Variants in IRF2BP2 observed in about 807,000 individuals in gnomAD.
The protein encoded by IRF2BP2 is interferon regulatory factor 2 binding protein 2, also known as interferon regulatory factor 2-binding protein 2.
In IRF2BP2, 13 loss-of-function variants were observed where a neutral mutation model predicts 32.7. The observed-to-expected ratio is 0.40, with a 90% CI of 0.26 to 0.63. The LOEUF is 0.63. Among genes scored for constraint, IRF2BP2 ranks in the 30% least tolerant of loss-of-function variants. The pLI is 0.42. For synonymous variants in IRF2BP2, 555 were observed against 384.6 expected, an observed-to-expected ratio of 1.44 and a Z score of -5.18; for missense variants, 980 against 830.6, an observed-to-expected ratio of 1.18 and a Z score of -2.21.
At position 234,605,748 on chromosome 1, in the gene IRF2BP2, CTG is replaced by C. The variant is rs2102766963; in HGVS notation, c.*1387_*1388del. 1 of 152,260 alleles carries C rather than the reference CTG, an allele frequency of 6.6e-6. No homozygotes were observed. The highest frequency in any genetic ancestry group is 1.9e-4 in the East Asian group (1 of 5,192). The allele number at this position is 152,260 out of a possible 1,614,324, so 9.4% of individuals were successfully genotyped here. A position where few individuals can be genotyped will look rare whatever the true frequency, so the allele number is the denominator to read the frequency against. On this transcript the variant is annotated 3_prime_UTR_variant, in exon 2 of 2. Coordinates refer to ENST00000366609, the MANE Select transcript of IRF2BP2 (RefSeq NM_182972.3). ...CAGCACAAAAGAAAAACCAGTATCACTGTGAGACAACTATTTCTAATAATTGA... is the reference window on the plus strand; with the variant it reads ...CAGCACAAAAGAAAAACCAGTATCACTGAGACAACTATTTCTAATAATTGA...
rs1672265600 is a variant in IRF2BP2, at chr1:234,609,090, G to A, written c.405C>T (p.Ser135=). 3 of 1,241,504 alleles carry A rather than the reference G, an allele frequency of 2.4e-6. No homozygotes were observed. The highest frequency in any genetic ancestry group is 3.0e-6 in the Non-Finnish European group (3 of 995,050). The allele number at this position is 1,241,504 out of a possible 1,614,324, so 76.9% of individuals were successfully genotyped here. ...GGGCCAGGCTCGCTGCCGGGCGGCT[G>A]CTGCCGAAGTCAGAGCCGAGGCGCG... is the stretch of plus-strand genomic sequence containing the variant. The part of the protein sequence containing the change: ...RPPRLGSDFG[S]SRPAASLAQP... Residue 135 remains serine (S), a synonymous_variant, in exon 1 of 2, where the codon AGC becomes AGT. Coordinates refer to ENST00000366609, the MANE Select transcript of IRF2BP2 (RefSeq NM_182972.3).
rs977367479 is a variant in IRF2BP2, at chr1:234,609,268, G to C, written c.227C>G (p.Ala76Gly). Residue 76 changes from alanine (A) to glycine (G), a missense_variant, in exon 1 of 2, where the codon GCG becomes GGG. Transcript: ENST00000366609. Reference protein sequence around the residue: ...FPEGRSPPGAAASAAAKPPPL... With the variant: ...FPEGRSPPGAGASAAAKPPPL... ...CGGCGGCTTGGCGGCGGCCGAGGCC[G>C]CGGCGCCGGGTGGGGAGCGACCCTC... The C allele has an allele frequency of 1.9e-5, 26 of 1,387,926 alleles. No homozygotes were observed. The highest frequency in any genetic ancestry group is 3.1e-5 in the African/African-American group (2 of 65,568). 86.0% of individuals were successfully genotyped at this position (1,387,926 alleles called of 1,614,324 possible).
rs1189750265 is a variant in IRF2BP2 at position 234,605,041 on chromosome 1, A to C, written c.*2096T>G. Reference sequence around the variant, plus strand: ...TTCCACAGCTGGATAGACTTATCCAAAACGGCAGGATGGTTCTGTATTAAT... The same window carrying C: ...TTCCACAGCTGGATAGACTTATCCACAACGGCAGGATGGTTCTGTATTAAT... On this transcript the variant is annotated 3_prime_UTR_variant, in exon 2 of 2. Coordinates refer to ENST00000366609, the MANE Select transcript of IRF2BP2 (RefSeq NM_182972.3). 2.6e-5 allele frequency: 4 copies of C among 152,260 alleles called. No homozygotes were observed. The highest frequency in any genetic ancestry group is 9.6e-5 in the African/African-American group (4 of 41,470). 9.4% of individuals were successfully genotyped at this position (152,260 alleles called of 1,614,324 possible). A position where few individuals can be genotyped will look rare whatever the true frequency, so the allele number is the denominator to read the frequency against.
Position 234,607,634 on chromosome 1 carries a change from A to T in IRF2BP2, c.1267T>A (p.Ser423Thr). The change falls in exon 2 of 2, where the codon TCC (serine) becomes ACC (threonine). Residue 423 changes from serine (S) to threonine (T), a missense_variant. Ser to Thr is a moderately conservative substitution (Grantham distance 58, BLOSUM62 1). Transcript: ENST00000366609. Reference sequence around the variant, plus strand: ...ACTAAGATCAGGGCTGCCATGGGGGACTGGCCATTCTGGGCCGCTTCAGGC... The same window carrying T: ...ACTAAGATCAGGGCTGCCATGGGGGTCTGGCCATTCTGGGCCGCTTCAGGC... The part of the protein sequence containing the change: ...TPPEAAQNGQ[S>T]PMAALILVAD... 6.2e-7 allele frequency: 1 copy of T among 1,614,156 alleles called. No homozygotes were observed. Among genetic ancestry groups the T allele is most frequent in the Non-Finnish European group, 8.5e-7 (1 of 1,180,016 alleles).
intron 1 of IRF2BP2, chr1:234,608,120 T>C: frequency 1.9e-6 from 1 of 539,190 alleles, no homozygotes; most frequent in South Asian, 2.7e-5. Context: ...TGCACAAAAG[T>C]ACCCTCGTTT....
In IRF2BP2 at chr1:234,605,448, CTGTATT is replaced by C. The variant is rs778482414; in HGVS notation, c.*1683_*1688del. 2.6e-5 allele frequency: 4 copies of C among 152,214 alleles called. No individual in the cohort carries two copies. Among genetic ancestry groups the C allele is most frequent in the East Asian group, 1.9e-4 (1 of 5,204 alleles). 9.4% of individuals were successfully genotyped at this position (152,214 alleles called of 1,614,324 possible). A position where few individuals can be genotyped will look rare whatever the true frequency, so the allele number is the denominator to read the frequency against. On this transcript the variant is annotated 3_prime_UTR_variant, in exon 2 of 2. Transcript: ENST00000366609. Reference sequence around the variant, plus strand: ...TCATTAAAAACACTACGGAAAAACACTGTATTTGGTGCAGTATCTGATTTTCAAGTG... The same window carrying C: ...TCATTAAAAACACTACGGAAAAACACTGGTGCAGTATCTGATTTTCAAGTG...
Position 234,604,554 on chromosome 1 carries a change from T to C in IRF2BP2, c.*2583A>G, listed in dbSNP as rs1173654689. 1.3e-5 allele frequency: 2 copies of C among 152,232 alleles called. No homozygotes were observed. The highest frequency in any genetic ancestry group is 3.8e-4 in the East Asian group (2 of 5,206). 9.4% of individuals were successfully genotyped at this position (152,232 alleles called of 1,614,324 possible). On this transcript the variant is annotated 3_prime_UTR_variant, in exon 2 of 2. Transcript: ENST00000366609. ...TAGTAAAAGTTGTAAACCATGTGTA[T>C]GTTCTCATAACTTTAAATGTGAGGC...
In IRF2BP2 at chr1:234,609,363, C is replaced by A; in HGVS notation, c.132G>T (p.Glu44Asp). 1 of 1,551,008 alleles carries A rather than the reference C, an allele frequency of 6.4e-7. No homozygotes were observed. The highest frequency in any genetic ancestry group is 2.6e-5 in the East Asian group (1 of 38,036). Residue 44 changes from glutamate to aspartate, a missense_variant, in exon 1 of 2, where the codon GAG becomes GAT. Coordinates refer to ENST00000366609, the MANE Select transcript of IRF2BP2 (RefSeq NM_182972.3). The part of the protein sequence containing the change: ...EPVCRGCVNY[E>D]GADRVEFVIE... ...TGACGAACTCGACGCGGTCGGCGCC[C>A]TCGTAGTTGACGCAGCCGCGGCAGA...
Position 234,609,881 on chromosome 1 carries a change from G to A in IRF2BP2, c.-387C>T, listed in dbSNP as rs1433192835. Among the ~76,000 whole-genome samples, 6 of 139,420 alleles carry A rather than the reference G, an allele frequency of 4.3e-5. No homozygotes were observed. The highest frequency in any genetic ancestry group is 7.7e-5 in the African/African-American group (3 of 38,944). The allele number at this position is 139,420 out of a possible 152,430, so 91.5% of individuals were successfully genotyped here. ...CGCGCGGGCGCGGGGGAGCGCAGCA[G>A]GTCGCGGCGGCGGCCGGCACGGAGT... is the stretch of plus-strand genomic sequence containing the variant. On this transcript the variant is annotated 5_prime_UTR_variant, in exon 1 of 2. Transcript: ENST00000366609.
Position 234,609,135 on chromosome 1 carries a change from C to T in IRF2BP2, c.360G>A (p.Ala120=). The stretch of plus-strand genomic sequence containing the variant: ...GGCGCGGGGGCCTCTCGGCCGCGGC[C>T]GCCAACGGGTAGCGCTCCAAGGCCT... ...APQALERYPL[A]AAAERPPRLG... The change falls in exon 1 of 2, where the codon GCG becomes GCA. Residue 120 remains alanine, a synonymous_variant. Transcript: ENST00000366609. The T allele has an allele frequency of 8.1e-7, 1 of 1,230,338 alleles. No homozygotes were observed. 76.2% of individuals were successfully genotyped at this position (1,230,338 alleles called of 1,614,324 possible). A position where few individuals can be genotyped will look rare whatever the true frequency, so the allele number is the denominator to read the frequency against.
Position 234,609,244 on chromosome 1 carries a change from G to A in IRF2BP2, c.251C>T (p.Pro84Leu). The change falls in exon 1 of 2, where the codon CCG (proline) becomes CTG (leucine). Residue 84 changes from proline to leucine, a missense_variant. Physicochemically the swap from Pro to Leu is moderately conservative, Grantham distance 98. Transcript: ENST00000366609. ...AAGGATGTCCTTGGCGGAGAGCGGC[G>A]GCGGCTTGGCGGCGGCCGAGGCCGC... is the stretch of plus-strand genomic sequence containing the variant. Reference protein sequence around the residue: ...GAAASAAAKPPPLSAKDILLQ... With the variant: ...GAAASAAAKPLPLSAKDILLQ... 6 of 1,359,634 alleles carry A rather than the reference G, an allele frequency of 4.4e-6. No individual in the cohort carries two copies. Among genetic ancestry groups the A allele is most frequent in the Non-Finnish European group, 4.7e-6 (5 of 1,059,852 alleles). The allele number at this position is 1,359,634 out of a possible 1,614,324, so 84.2% of individuals were successfully genotyped here.
In IRF2BP2 at chr1:234,609,631, A is replaced by T; in HGVS notation, c.-137T>A. On this transcript the variant is annotated 5_prime_UTR_variant, in exon 1 of 2. Transcript: ENST00000366609. ...CCCCACCAGCGGCGGCGGCGGCCGCAAAGGCGGCGGCGGCGGCGGCAAAGC... is the reference window on the plus strand; with the variant it reads ...CCCCACCAGCGGCGGCGGCGGCCGCTAAGGCGGCGGCGGCGGCGGCAAAGC... 2 of 338,264 alleles carry T rather than the reference A, an allele frequency of 5.9e-6. No individual in the cohort carries two copies. Among genetic ancestry groups the T allele is most frequent in the East Asian group, 1.2e-4 (2 of 16,312 alleles). 21.0% of individuals were successfully genotyped at this position (338,264 alleles called of 1,614,324 possible).
At position 234,607,043 on chromosome 1, in the gene IRF2BP2, C is replaced by A; in HGVS notation, c.*94G>T. The A allele has an allele frequency of 4.4e-6, 4 of 902,872 alleles. No homozygotes were observed. The highest frequency in any genetic ancestry group is 1.8e-5 in the South Asian group (1 of 54,506). 55.9% of individuals were successfully genotyped at this position (902,872 alleles called of 1,614,324 possible). A position where few individuals can be genotyped will look rare whatever the true frequency, so the allele number is the denominator to read the frequency against. ...GCCATGTTTATGAAGTCTACATTTC[C>A]CTTGTCTTGGATATATATATATATG... is the stretch of plus-strand genomic sequence containing the variant. On this transcript the variant is annotated 3_prime_UTR_variant, in exon 2 of 2. Coordinates refer to ENST00000366609, the MANE Select transcript of IRF2BP2 (RefSeq NM_182972.3).
chr1:234,607,905 G>A (rs1672210353), intron 1 of IRF2BP2, 53 bp from the exon 2 acceptor site: 8 of 1,355,210 alleles, frequency 5.9e-6, no homozygotes, highest in South Asian at 1.4e-5. Flanking sequence ...GCGGTGCACT[G>A]AAAGAGATCA....
rs1207344332 is a variant in IRF2BP2, at chr1:234,609,130, G to A, written c.365C>T (p.Ala122Val). ...GCCGAGGCGCGGGGGCCTCTCGGCC[G>A]CGGCCGCCAACGGGTAGCGCTCCAA... is the stretch of plus-strand genomic sequence containing the variant. The part of the protein sequence containing the change: ...QALERYPLAA[A>V]AERPPRLGSD... The change falls in exon 1 of 2, where the codon GCG (alanine) becomes GTG (valine). Residue 122 changes from alanine to valine, a missense_variant. Physicochemically the swap from Ala to Val is moderately conservative, Grantham distance 64. Transcript: ENST00000366609. The A allele has an allele frequency of 8.1e-7, 1 of 1,228,186 alleles. No homozygotes were observed. The allele number at this position is 1,228,186 out of a possible 1,614,324, so 76.1% of individuals were successfully genotyped here.
rs907019926 is a variant in IRF2BP2, at chr1:234,606,740, G to A, written c.*397C>T. 6.3e-6 allele frequency: 1 copy of A among 157,750 alleles called. No individual in the cohort carries two copies. Among genetic ancestry groups the A allele is most frequent in the African/African-American group, 2.4e-5 (1 of 41,488 alleles). 9.8% of individuals were successfully genotyped at this position (157,750 alleles called of 1,614,324 possible). A position where few individuals can be genotyped will look rare whatever the true frequency, so the allele number is the denominator to read the frequency against. On this transcript the variant is annotated 3_prime_UTR_variant, in exon 2 of 2. Transcript: ENST00000366609. ...AGCAATAAGGAATGACAGACAGTAA[G>A]GCAATCTTACAATGTCAGAAAATGT...
rs911639353 is a variant in IRF2BP2 at position 234,610,001 on chromosome 1, T to G, written c.-507A>C. 1.5e-5 allele frequency among the ~76,000 whole-genome samples: 2 copies of G among 137,424 alleles called. No individual in the cohort carries two copies. The allele number at this position is 137,424 out of a possible 152,430, so 90.2% of individuals were successfully genotyped here. A position where few individuals can be genotyped will look rare whatever the true frequency, so the allele number is the denominator to read the frequency against. On this transcript the variant is annotated 5_prime_UTR_variant, in exon 1 of 2. Coordinates refer to ENST00000366609, the MANE Select transcript of IRF2BP2 (RefSeq NM_182972.3). ...AGCGGCGGGGCATGCCGCGCCGGGG[T>G]GGCGGCGGCCGGGCGGCGTGGAGCT... is the stretch of plus-strand genomic sequence containing the variant.
Position 234,608,100 on chromosome 1 carries a change from T to G in IRF2BP2, c.1049-248A>C, listed in dbSNP as rs1672217112. 19 of 553,228 alleles carry G rather than the reference T, an allele frequency of 3.4e-5. No homozygotes were observed. The South Asian group carries it at 4.9e-4, about 14-fold the overall frequency. The allele number at this position is 553,228 out of a possible 1,614,324, so 34.3% of individuals were successfully genotyped here. Reference sequence around the variant, plus strand: ...AAAATGACACGCTTGTAACTGCCTGTTTGTACACATGCACAAAAGTACCCT... The same window carrying G: ...AAAATGACACGCTTGTAACTGCCTGGTTGTACACATGCACAAAAGTACCCT... On this transcript the variant is annotated intron_variant, in intron 1 of 1. Coordinates refer to ENST00000366609, the MANE Select transcript of IRF2BP2 (RefSeq NM_182972.3).
Position 234,605,501 on chromosome 1 carries a change from AAT to A in IRF2BP2, c.*1634_*1635del, listed in dbSNP as rs1254063898. 6.6e-6 allele frequency: 1 copy of A among 152,280 alleles called. No individual in the cohort carries two copies. The highest frequency in any genetic ancestry group is 6.5e-5 in the Admixed American group (1 of 15,290). The allele number at this position is 152,280 out of a possible 1,614,324, so 9.4% of individuals were successfully genotyped here. ...AGTGTTAGTAACTTGACCATTAAAA[AAT>A]AGTTTTGAACAATTTAAAAAGGAAA... On this transcript the variant is annotated 3_prime_UTR_variant, in exon 2 of 2. Coordinates refer to ENST00000366609, the MANE Select transcript of IRF2BP2 (RefSeq NM_182972.3).
Sources: allele counts gnomAD v4.1 joint callset (sites outside exome capture counted in the v4.1 genomes callset), GRCh38; gene constraint gnomAD v4.1.1; transcripts MANE v1.5; gene names NCBI Gene and HGNC (gene_info 2026-07-23, HGNC 2026-07-21).